DGKI: variants seen among roughly 807,000 people sequenced by gnomAD.
DGKI encodes the protein DAG kinase iota.
A neutral mutation model predicts 147.5 loss-of-function variants in DGKI; 55 were observed. The ratio of observed to expected loss-of-function variants is 0.37; its 90% CI spans 0.30 to 0.47. DGKI has a LOEUF of 0.47. DGKI is among the 20% of genes least tolerant of loss of function. The probability of loss-of-function intolerance (pLI) is 1.00; values close to 1 mark genes in which losing one functional copy is unlikely to be tolerated. For synonymous variants in DGKI, 469 were observed against 477.1 expected (o/e 0.98, Z 0.22); for missense variants, 1,007 against 1,323.8 (o/e 0.76, Z 3.71).
At chr7:137,539,954 C>A (rs187778477) in intron 20 of DGKI, among the ~76,000 whole-genome samples, 2 of 152,248 alleles carry the variant, frequency 1.3e-5, no homozygotes, top group African/African-American at 2.4e-5. Flanking sequence ...AGAAATACAA[C>A]AACTCTACAT....
At chr7:137,550,699 G>A (rs1818016722) in intron 20 of DGKI, among the ~76,000 whole-genome samples, 1 of 152,176 alleles carries the variant, frequency 6.6e-6, no homozygotes, top group African/African-American at 2.4e-5. Context: ...CTAAATACCT[G>A]AAAACCATTT....
At chr7:137,614,007 A>C (rs1249270063) in intron 8 of DGKI, among the ~76,000 whole-genome samples, 2 of 152,164 alleles carry the variant, frequency 1.3e-5, no homozygotes, top group African/African-American at 4.8e-5. Flanking sequence ...AATGCTGGTG[A>C]AAGGAGACTC....
chr7:137,406,770 G>A (rs1261928152), intron 30 of DGKI, among the ~76,000 whole-genome samples: 1 of 152,052 alleles, frequency 6.6e-6, no homozygotes, highest in African/African-American at 2.4e-5. Flanking sequence ...TTATACACAT[G>A]ATCTTATTTT....
chr7:137,425,291 T>C (rs1585101776), intron 28 of DGKI, among the ~76,000 whole-genome samples: 2 of 152,258 alleles, frequency 1.3e-5, no homozygotes, highest in Middle Eastern at 6.8e-3. Context: ...GCAAACAGGG[T>C]CTGGAGTGGA....
intron 2 of DGKI, among the ~76,000 whole-genome samples, chr7:137,683,364 T>G (rs1028205382): frequency 1.6e-5 from 2 of 123,322 alleles, no homozygotes; most frequent in African/African-American, 3.4e-5. Context: ...CTCTTTTTGT[T>G]TGTGTTTGTT....
intron 1 of DGKI, among the ~76,000 whole-genome samples, chr7:137,719,594 CA>C (rs1265562744): frequency 6.6e-6 from 1 of 152,086 alleles, no homozygotes; most frequent in African/African-American, 2.4e-5. Flanking sequence ...CCACGCTGCC[CA>C]AACTTTATTG....
intron 23 of DGKI, among the ~76,000 whole-genome samples, chr7:137,472,889 A>G (rs1246232538): frequency 6.6e-6 from 1 of 152,108 alleles, no homozygotes; most frequent in East Asian, 1.9e-4. Context: ...AGAGGACACA[A>G]TAAAAAAAAT....
chr7:137,644,643 C>T (rs1462931774), intron 6 of DGKI, among the ~76,000 whole-genome samples: 1 of 152,178 alleles, frequency 6.6e-6, no homozygotes. Context: ...GATATTCCCC[C>T]CAAATTATCT....
rs1029552917 is a variant in DGKI, at chr7:137,383,336, T to C, written c.*7884A>G. On this transcript the variant is annotated 3_prime_UTR_variant, in exon 33 of 33. Transcript: ENST00000614521. ...TGTTTCTACTAAAGCATAGGTGTGT[T>C]TGTGTAAGCAAGGCAACTTTTTAGG... is the stretch of plus-strand genomic sequence containing the variant. 3.3e-5 allele frequency: 5 copies of C among 151,800 alleles called. No homozygotes were observed. The highest frequency in any genetic ancestry group is 1.2e-4 in the African/African-American group (5 of 41,388). The allele number at this position is 151,800 out of a possible 1,614,324, so 9.4% of individuals were successfully genotyped here.
chr7:137,832,457 C>T (rs1798245853), intron 1 of DGKI, among the ~76,000 whole-genome samples: 1 of 152,256 alleles, frequency 6.6e-6, no homozygotes. Flanking sequence ...AGGATTAAGG[C>T]TTGAACCCTC....
chr7:137,821,681 A>G (rs1040586886), intron 1 of DGKI, among the ~76,000 whole-genome samples: 2 of 152,126 alleles, frequency 1.3e-5, no homozygotes, highest in African/African-American at 4.8e-5. Flanking sequence ...GAAAAGAAAG[A>G]AAACAGGAGA....
At chr7:137,522,810 C>A (rs991374297) in intron 20 of DGKI, among the ~76,000 whole-genome samples, 1 of 152,194 alleles carries the variant, frequency 6.6e-6, no homozygotes, top group Non-Finnish European at 1.5e-5. Context: ...ATCACCACCA[C>A]GATGGGTCAA....
At chr7:137,420,024 G>A (rs1264550070) in intron 28 of DGKI, among the ~76,000 whole-genome samples, 1 of 152,196 alleles carries the variant, frequency 6.6e-6, no homozygotes, top group Non-Finnish European at 1.5e-5. Flanking sequence ...GTTATACCTG[G>A]CAGCAGTTGG....
chr7:137,425,645 C>T (rs1812770347), intron 28 of DGKI, among the ~76,000 whole-genome samples: 1 of 152,088 alleles, frequency 6.6e-6, no homozygotes, highest in African/African-American at 2.4e-5. Flanking sequence ...AAGTTAAAAA[C>T]TTTGAAAAAA....
intron 27 of DGKI, among the ~76,000 whole-genome samples, chr7:137,461,146 C>CTGGTACGCT (rs1309709608): frequency 6.6e-6 from 1 of 152,198 alleles, no homozygotes; most frequent in Non-Finnish European, 1.5e-5. Flanking sequence ...TTCTGTGGCT[C>CTGGTACGCT]TGGTACGCTG....
chr7:137,601,821 T>C (rs1042118774), intron 10 of DGKI, among the ~76,000 whole-genome samples: 3 of 152,228 alleles, frequency 2.0e-5, no homozygotes, highest in Admixed American at 6.5e-5. Flanking sequence ...CATAGGCCAA[T>C]GCAGGTCTTT....
intron 1 of DGKI, among the ~76,000 whole-genome samples, chr7:137,795,400 C>G (rs1018541050): frequency 4.6e-5 from 7 of 152,108 alleles, no homozygotes; most frequent in African/African-American, 1.7e-4. Flanking sequence ...TTGGAAGCTC[C>G]CTGGGAAATT....
intron 27 of DGKI, among the ~76,000 whole-genome samples, chr7:137,445,870 A>C (rs1165589766): frequency 6.6e-6 from 1 of 152,136 alleles, no homozygotes; most frequent in East Asian, 1.9e-4. Flanking sequence ...TGCCTCCATT[A>C]TTATTAAAAA....
At chr7:137,762,285 C>T (rs1263130501) in intron 1 of DGKI, among the ~76,000 whole-genome samples, 1 of 152,148 alleles carries the variant, frequency 6.6e-6, no homozygotes, top group African/African-American at 2.4e-5. Context: ...ATCAGATTTG[C>T]CAAGAAAGTG....
Sources: gnomAD v4.1 joint callset for allele counts (sites outside exome capture counted in the v4.1 genomes callset) on GRCh38, gnomAD v4.1.1 for gene constraint, MANE v1.5 for transcripts, NCBI Gene and HGNC (gene_info 2026-07-23, HGNC 2026-07-21) for gene names.